The following DOCK5 variants were observed in gnomAD, a reference collection of about 807,000 sequenced individuals.
DOCK5 encodes dedicator of cytokinesis protein 5.
A neutral mutation model predicts 251.8 loss-of-function variants in DOCK5; 142 were observed. The observed-to-expected ratio is 0.56, with a 90% CI of 0.49 to 0.65. DOCK5 has a LOEUF of 0.65. Ranked by LOEUF, DOCK5 falls within the 30% of genes least tolerant of loss-of-function variation. The pLI, the probability that DOCK5 is intolerant of heterozygous loss-of-function variation, is 0.00. For missense variants in DOCK5, 2,111 were observed against 2,312.3 expected (o/e 0.91, Z 1.79); for synonymous variants, 842 against 835.5 (o/e 1.01, Z -0.13).
intron 40 of DOCK5, among the ~76,000 whole-genome samples, chr8:25,388,170 A>G (rs557543317): frequency 6.6e-6 from 1 of 152,266 alleles, no homozygotes; most frequent in South Asian, 2.1e-4. Context: ...TCTCTCCTCT[A>G]GAAGGTAAGT....
intron 2 of DOCK5, among the ~76,000 whole-genome samples, chr8:25,261,312 G>A (rs150985633): frequency 3.3e-5 from 5 of 152,236 alleles, no homozygotes; most frequent in African/African-American, 4.8e-5. Flanking sequence ...GCTCACTGGA[G>A]AAATTAATCT....
intron 10 of DOCK5, among the ~76,000 whole-genome samples, chr8:25,303,744 C>T (rs1206928898): frequency 6.6e-6 from 1 of 152,080 alleles, no homozygotes; most frequent in Admixed American, 6.6e-5. Context: ...GGCAGATCAT[C>T]TGAGGTCAGG....
intron 1 of DOCK5, among the ~76,000 whole-genome samples, chr8:25,241,132 A>T (rs1802930573): frequency 6.6e-6 from 1 of 152,198 alleles, no homozygotes; most frequent in African/African-American, 2.4e-5. Context: ...GAAAAATGCA[A>T]ATAAAAACTG....
Position 25,184,970 on chromosome 8 carries a change from T to G in DOCK5, c.43+19T>G. On this transcript the variant is annotated intron_variant, in intron 1 of 51. Transcript: ENST00000276440. ...GGGGTTGGTGAGTGCGCGCCCCACC[T>G]TGTCCCGGCCCGACCCACGCGGCCA... 7.2e-7 allele frequency: 1 copy of G among 1,383,888 alleles called. No individual in the cohort carries two copies. Among genetic ancestry groups the G allele is most frequent in the Non-Finnish European group, 9.5e-7 (1 of 1,057,768 alleles). The allele number at this position is 1,383,888 out of a possible 1,614,324, so 85.7% of individuals were successfully genotyped here. A position where few individuals can be genotyped will look rare whatever the true frequency, so the allele number is the denominator to read the frequency against.
At chr8:25,223,964 T>G (rs1802455524) in intron 1 of DOCK5, among the ~76,000 whole-genome samples, 1 of 152,218 alleles carries the variant, frequency 6.6e-6, no homozygotes, top group Non-Finnish European at 1.5e-5. Context: ...ATTTCTCTGT[T>G]TTATTTACTG....
chr8:25,287,687 G>A (rs879770098), intron 5 of DOCK5, among the ~76,000 whole-genome samples: 1 of 152,070 alleles, frequency 6.6e-6, no homozygotes, highest in Non-Finnish European at 1.5e-5. Context: ...GCTCTTTTGT[G>A]GAGAGGGTCA....
chr8:25,402,506 C>T (rs1210825582), intron 47 of DOCK5, among the ~76,000 whole-genome samples: 3 of 152,228 alleles, frequency 2.0e-5, no homozygotes, highest in African/African-American at 7.2e-5. Flanking sequence ...CCATGTTAGC[C>T]GGAATGGTCT....
intron 1 of DOCK5, among the ~76,000 whole-genome samples, chr8:25,199,497 C>T (rs1232970820): frequency 2.6e-5 from 4 of 151,570 alleles, no homozygotes; most frequent in African/African-American, 9.7e-5. Context: ...AATTCTCCTG[C>T]CTCAGCCTCC....
intron 44 of DOCK5, 107 bp from the exon 45 acceptor site, chr8:25,395,436 A>G (rs1179579810): frequency 1.1e-5 from 13 of 1,237,132 alleles, no homozygotes; most frequent in South Asian, 1.4e-5. Flanking sequence ...TCCCTTTTCT[A>G]TAGCTTGTGG....
chr8:25,357,588 G>T (rs2321236), intron 27 of DOCK5, among the ~76,000 whole-genome samples: 59,616 of 151,034 alleles, frequency 0.39, 11,800 homozygotes, highest in Admixed American at 0.46. Context: ...ATGTTGGCCA[G>T]ACTGGTCTCA....
chr8:25,329,841 A>G (rs1339235627), intron 18 of DOCK5, among the ~76,000 whole-genome samples: 1 of 152,178 alleles, frequency 6.6e-6, no homozygotes, highest in African/African-American at 2.4e-5. Flanking sequence ...GCGAGAAAAA[A>G]AATTAACTAG....
chr8:25,293,235 C>T (rs988843845), intron 6 of DOCK5, among the ~76,000 whole-genome samples: 8 of 152,108 alleles, frequency 5.3e-5, no homozygotes, highest in African/African-American at 1.9e-4. Flanking sequence ...TTTCCTCCTC[C>T]TCTACCTTGC....
intron 48 of DOCK5, among the ~76,000 whole-genome samples, chr8:25,406,730 C>A (rs1370190625): frequency 6.6e-6 from 1 of 151,938 alleles, no homozygotes; most frequent in Non-Finnish European, 1.5e-5. Context: ...TGGGTTCAAG[C>A]TATTCTCCTG....
chr8:25,307,896 T>C (rs1211650304), intron 11 of DOCK5, among the ~76,000 whole-genome samples: 2 of 152,218 alleles, frequency 1.3e-5, no homozygotes, highest in Admixed American at 6.5e-5. Context: ...TTTACAGTGT[T>C]TTCCAGTAGG....
intron 7 of DOCK5, 115 bp downstream of exon 7, chr8:25,296,763 AT>A: frequency 7.5e-7 from 1 of 1,339,934 alleles, no homozygotes; most frequent in Non-Finnish European, 1.0e-6. Context: ...TTTCGTCCTC[AT>A]TTTAAAAGTG....
chr8:25,259,165 A>G (rs745943983), intron 2 of DOCK5, among the ~76,000 whole-genome samples: 19 of 152,210 alleles, frequency 1.2e-4, no homozygotes. Context: ...AAATAAAGCC[A>G]GAAGACTTAT....
At chr8:25,408,727 CAA>C in intron 49 of DOCK5, 73 bp from the exon 50 acceptor site, 1 of 1,558,046 alleles carries the variant, frequency 6.4e-7, no homozygotes, top group South Asian at 1.2e-5. Context: ...TCTCAGAAGA[CAA>C]GGCTGTTGAG....
chr8:25,409,853 CAAAAAT>C, intron 50 of DOCK5: 1 of 354,090 alleles, frequency 2.8e-6, no homozygotes, highest in Non-Finnish European at 5.2e-6. Flanking sequence ...CTCAAAAAAA[CAAAAAT>C]AAAAAAAATA....
chr8:25,258,280 A>G (rs1260000895), intron 2 of DOCK5, among the ~76,000 whole-genome samples: 1 of 151,802 alleles, frequency 6.6e-6, no homozygotes, highest in African/African-American at 2.4e-5. Context: ...GCAAATAGAA[A>G]TCTCTGCTAT....
Sources: gnomAD v4.1 joint callset for allele counts (sites outside exome capture counted in the v4.1 genomes callset) on GRCh38, gnomAD v4.1.1 for gene constraint, MANE v1.5 for transcripts, NCBI Gene and HGNC (gene_info 2026-07-23, HGNC 2026-07-21) for gene names.